Variants in RBM26 observed in about 807,000 individuals in gnomAD.
RBM26 encodes RNA-binding protein 26.
RBM26 carries 30 observed loss-of-function variants against 123.6 expected under a neutral mutation model. The observed-to-expected ratio is 0.24, with a 90% CI of 0.18 to 0.33. The LOEUF is 0.33. Ranked by LOEUF, RBM26 falls within the 10% of genes least tolerant of loss-of-function variation. The probability of loss-of-function intolerance (pLI) is 1.00; values close to 1 mark genes in which losing one functional copy is unlikely to be tolerated. For missense variants in RBM26, 947 were observed against 1,203.6 expected (o/e 0.79, Z 3.15); for synonymous variants, 400 against 404.4 (o/e 0.99, Z 0.13).
chr13:79,331,247 A>AC (rs905537096), intron 20 of RBM26, among the ~76,000 whole-genome samples: 7 of 151,546 alleles, frequency 4.6e-5, no homozygotes, highest in African/African-American at 1.7e-4. Flanking sequence ...CAAGAGATCC[A>AC]CCCCACTTGG....
rs762860178 is a variant in RBM26 at position 79,371,952 on chromosome 13, A to T, written c.328-22T>A. 3 of 1,467,126 alleles carry T rather than the reference A, an allele frequency of 2.0e-6. No individual in the cohort carries two copies. In the South Asian group the frequency reaches 3.5e-5, roughly 17 times the overall value. The allele number at this position is 1,467,126 out of a possible 1,614,324, so 90.9% of individuals were successfully genotyped here. ...TGATCTGATTAAAAAAAAAAAAAAA[A>T]GTGTACAAGTTTAGTAATTATTCCA... On this transcript the variant is annotated intron_variant, in intron 3 of 21. Transcript: ENST00000438737.
At chr13:79,366,517 T>A in intron 7 of RBM26, 116 bp downstream of exon 7, 1 of 1,102,184 alleles carries the variant, frequency 9.1e-7, no homozygotes, top group Non-Finnish European at 1.3e-6. Flanking sequence ...TGCTATTAAT[T>A]TCTATCAGGC....
At chr13:79,401,537 G>C (rs376823648) in intron 1 of RBM26, among the ~76,000 whole-genome samples, 1 of 152,140 alleles carries the variant, frequency 6.6e-6, no homozygotes, top group Non-Finnish European at 1.5e-5. Context: ...CATAAAACTT[G>C]TAAGTACAAT....
intron 5 of RBM26, among the ~76,000 whole-genome samples, chr13:79,369,218 T>C (rs1195111735): frequency 1.3e-5 from 2 of 152,214 alleles, no homozygotes; most frequent in Non-Finnish European, 2.9e-5. Context: ...CCATATTTAA[T>C]GTTTTTCCTT....
chr13:79,386,423 A>G (rs1040704080), intron 1 of RBM26, among the ~76,000 whole-genome samples: 1 of 151,388 alleles, frequency 6.6e-6, no homozygotes, highest in Non-Finnish European at 1.5e-5. Flanking sequence ...TAAATAAAAA[A>G]AAAAAAAGAA....
At chr13:79,373,473 AATAT>A (rs2076292091) in intron 3 of RBM26, among the ~76,000 whole-genome samples, 4 of 1,314 alleles carry the variant, frequency 3.0e-3, no homozygotes, top group Non-Finnish European at 8.8e-3. Flanking sequence ...AATATGTATA[AATAT>A]ACAAATATAT....
At chr13:79,330,931 C>T (rs185611897) in intron 20 of RBM26, among the ~76,000 whole-genome samples, 1,558 of 152,240 alleles carry the variant, frequency 0.01, 12 homozygotes, top group Non-Finnish European at 0.017. Flanking sequence ...TAAAAACACA[C>T]ACACATACAC....
intron 5 of RBM26, among the ~76,000 whole-genome samples, chr13:79,370,677 G>C (rs1478610966): frequency 6.6e-6 from 1 of 152,192 alleles, no homozygotes; most frequent in Admixed American, 6.5e-5. Flanking sequence ...GTTTTCCAAA[G>C]AGTTTCAGCT....
At chr13:79,321,111 G>T (rs972745397) in intron 21 of RBM26, among the ~76,000 whole-genome samples, 1 of 151,184 alleles carries the variant, frequency 6.6e-6, no homozygotes, top group Non-Finnish European at 1.5e-5. Context: ...ATTCTACCAA[G>T]ATTTATATTT....
intron 21 of RBM26, 46 bp from the exon 22 acceptor site, chr13:79,320,756 A>G (rs2067571877): frequency 7.3e-7 from 1 of 1,365,138 alleles, no homozygotes; most frequent in Non-Finnish European, 9.8e-7. Flanking sequence ...AAAAAAAAAA[A>G]GAAAAGAAAA....
intron 1 of RBM26, among the ~76,000 whole-genome samples, chr13:79,395,571 C>G (rs987220004): frequency 4.6e-5 from 7 of 151,762 alleles, no homozygotes; most frequent in South Asian, 2.1e-4. Context: ...GAGACCCCAT[C>G]TCTACAAAAA....
At chr13:79,329,580 C>T (rs1027492500) in intron 20 of RBM26, among the ~76,000 whole-genome samples, 1 of 151,968 alleles carries the variant, frequency 6.6e-6, no homozygotes, top group South Asian at 2.1e-4. Flanking sequence ...CACTAGGATC[C>T]TGTCAAAAGC....
intron 20 of RBM26, among the ~76,000 whole-genome samples, chr13:79,328,682 G>GT (rs1466349752): frequency 5.5e-4 from 15 of 27,370 alleles, no homozygotes; most frequent in Non-Finnish European, 9.6e-4. Flanking sequence ...CCTGCATTAA[G>GT]TAAAAAAAAA....
At chr13:79,342,974 A>G in intron 16 of RBM26, 143 bp from the exon 17 acceptor site, 1 of 531,358 alleles carries the variant, frequency 1.9e-6, no homozygotes, top group Non-Finnish European at 3.2e-6. Context: ...ACCATGAATT[A>G]TCTAAAGATC....
At chr13:79,405,590 C>T (rs958197876) in intron 1 of RBM26, 114 bp downstream of exon 1, 9 of 600,854 alleles carry the variant, frequency 1.5e-5, no homozygotes, top group Non-Finnish European at 2.2e-5. Flanking sequence ...AACCCTGGGA[C>T]CTCCGTTCAC....
exon 5 of RBM26, chr13:79,311,877 AAAC>A (rs888546851): frequency 1.8e-4 from 27 of 152,226 alleles, no homozygotes; most frequent in African/African-American, 4.3e-4. Context: ...TAAAAATAAT[AAAC>A]AATATGGATT....
At chr13:79,347,474 A>G (rs2072530432) in intron 14 of RBM26, among the ~76,000 whole-genome samples, 1 of 152,198 alleles carries the variant, frequency 6.6e-6, no homozygotes, top group Admixed American at 6.5e-5. Context: ...ATGTATTTTC[A>G]AAAGAAGAAA....
chr13:79,395,266 CAAT>C (rs1450165928), intron 1 of RBM26, among the ~76,000 whole-genome samples: 6 of 151,954 alleles, frequency 3.9e-5, no homozygotes, highest in Admixed American at 3.9e-4. Flanking sequence ...GGGGACTTCA[CAAT>C]AATGATAAAA....
intron 6 of RBM26, among the ~76,000 whole-genome samples, chr13:79,367,620 C>T (rs969690764): frequency 7.2e-5 from 11 of 151,736 alleles, no homozygotes; most frequent in African/African-American, 2.7e-4. Flanking sequence ...CCTCCCCCAC[C>T]ACCAACCCCA....
Sources: gnomAD v4.1 joint callset for allele counts (sites outside exome capture counted in the v4.1 genomes callset) on GRCh38, gnomAD v4.1.1 for gene constraint, MANE v1.5 for transcripts, NCBI Gene and HGNC (gene_info 2026-07-23, HGNC 2026-07-21) for gene names.